EOGT: variants seen among roughly 807,000 people sequenced by gnomAD.
The protein encoded by EOGT is EGF domain specific O-linked N-acetylglucosamine transferase.
In EOGT, 55 loss-of-function variants were observed where a neutral mutation model predicts 70.5. The observed-to-expected ratio is 0.78, with a 90% CI of 0.63 to 0.98. The LOEUF (loss-of-function observed/expected upper bound fraction) is 0.98, where lower values mean the gene tolerates loss of function less well. Ranked by LOEUF, EOGT falls within the 50% of genes least tolerant of loss-of-function variation. The probability of loss-of-function intolerance (pLI) is 0.00; values close to 1 mark genes in which losing one functional copy is unlikely to be tolerated. For missense variants in EOGT, 703 were observed against 641.9 expected, an observed-to-expected ratio of 1.10 and a Z score of -1.03; for synonymous variants, 246 against 217.1, an observed-to-expected ratio of 1.13 and a Z score of -1.17.
intron 8 of EOGT, among the ~76,000 whole-genome samples, chr3:69,002,730 C>T (rs1332037502): frequency 6.6e-6 from 1 of 151,890 alleles, no homozygotes; most frequent in Non-Finnish European, 1.5e-5. Context: ...TCATAGCTCA[C>T]TGCAGCCTCG....
chr3:68,988,565 C>G lies in EOGT; in HGVS notation c.937G>C (p.Glu313Gln). The G allele has an allele frequency of 6.5e-7, 1 of 1,530,424 alleles. No individual in the cohort carries two copies. Among genetic ancestry groups the G allele is most frequent in the Non-Finnish European group, 8.7e-7 (1 of 1,143,646 alleles). The allele number at this position is 1,530,424 out of a possible 1,614,324, so 94.8% of individuals were successfully genotyped here. ...TYDSKRVCFK[E>Q]AVFSLLPRMR... ...CGGGGGAGTAATGAAAAAACAGCTTCTTTAAAACATACCTAAGAACAAAGA... is the reference window on the plus strand; with the variant it reads ...CGGGGGAGTAATGAAAAAACAGCTTGTTTAAAACATACCTAAGAACAAAGA... Residue 313 changes from glutamate (E) to glutamine (Q), a missense_variant, in exon 12 of 18, where the codon GAA (glutamate) becomes CAA (glutamine). Glu to Gln is a conservative substitution (Grantham distance 29). Transcript: ENST00000383701.
intron 6 of EOGT, among the ~76,000 whole-genome samples, chr3:69,007,507 C>CGGGGTGG (rs1553673402): frequency 4.0e-5 from 1 of 24,782 alleles, no homozygotes; most frequent in Admixed American, 5.0e-4. Context: ...TAAAAATTAG[C>CGGGGTGG]GGGGGGGGGT....
Position 68,998,011 on chromosome 3 carries a change from G to T in EOGT, c.831C>A (p.Thr277=). ...STDVYIVMWD[T]SSYGYGDLFS... ...AAGCGGAGAGCACATTCTTACTTAC[G>T]GTGTCCCACATCACGATGTACACGT... The change falls in exon 10 of 18, where the codon ACC becomes ACA. Residue 277 remains threonine, a splice_region_variant and synonymous_variant. Transcript: ENST00000383701. 1.3e-6 allele frequency: 2 copies of T among 1,504,682 alleles called. No individual in the cohort carries two copies. Among genetic ancestry groups the T allele is most frequent in the Non-Finnish European group, 1.8e-6 (2 of 1,100,844 alleles). The allele number at this position is 1,504,682 out of a possible 1,614,324, so 93.2% of individuals were successfully genotyped here.
intron 15 of EOGT, among the ~76,000 whole-genome samples, chr3:68,982,563 T>C (rs1005779826): frequency 1.3e-5 from 2 of 152,232 alleles, no homozygotes; most frequent in Middle Eastern, 3.4e-3. Flanking sequence ...AAATTTTAAA[T>C]GAAAATCTGA....
chr3:68,980,286 C>T (rs987824641), intron 15 of EOGT, among the ~76,000 whole-genome samples: 6 of 152,178 alleles, frequency 3.9e-5, no homozygotes, highest in Non-Finnish European at 8.8e-5. Context: ...TAAAAAGAAA[C>T]ATTTCTCCTT....
Position 69,009,638 on chromosome 3 carries a change from T to C in EOGT, c.209A>G (p.Lys70Arg). 8 of 1,610,156 alleles carry C rather than the reference T, an allele frequency of 5.0e-6. No individual in the cohort carries two copies. Among genetic ancestry groups the C allele is most frequent in the South Asian group, 2.2e-5 (2 of 90,942 alleles). Residue 70 changes from lysine (K) to arginine (R), a missense_variant and splice_region_variant, in exon 4 of 18, where the codon AAG becomes AGG. By Grantham distance (26) the Lys-to-Arg change is conservative (BLOSUM62 2). Coordinates refer to ENST00000383701, the MANE Select transcript of EOGT (RefSeq NM_001278689.2). ...AAGGAGAAAAGAAATAATACCTACC[T>C]TATATGGACAAAGAGAGTCTTTCCT... ...VCRKDSLCPY[K>R]KHLEKLKYCW...
At chr3:68,995,005 A>G (rs1240377982) in intron 10 of EOGT, among the ~76,000 whole-genome samples, 1 of 152,146 alleles carries the variant, frequency 6.6e-6, no homozygotes, top group Non-Finnish European at 1.5e-5. Flanking sequence ...TGAAGGGAGT[A>G]AACTGCAGAG....
intron 14 of EOGT, among the ~76,000 whole-genome samples, chr3:68,987,115 G>T (rs1210657302): frequency 6.6e-6 from 1 of 152,206 alleles, no homozygotes; most frequent in Non-Finnish European, 1.5e-5. Flanking sequence ...ACCATCTGTT[G>T]CATCAACTAT....
chr3:68,985,705 CT>C (rs1163138530), intron 14 of EOGT, among the ~76,000 whole-genome samples: 1 of 152,240 alleles, frequency 6.6e-6, no homozygotes, highest in Non-Finnish European at 1.5e-5. Flanking sequence ...ACAATAACAA[CT>C]TCTGATCAAT....
rs2091522566 is a variant in EOGT, at chr3:69,009,657, C to T, written c.190G>A (p.Asp64Asn). The change falls in exon 4 of 18, where the codon GAC becomes AAC. Residue 64 changes from aspartate to asparagine, a missense_variant. Physicochemically the swap from Asp to Asn is conservative, Grantham distance 23 (BLOSUM62 1). Transcript: ENST00000383701. Reference protein sequence around the residue: ...NRHIATVCRKDSLCPYKKHLE... With the variant: ...NRHIATVCRKNSLCPYKKHLE... ...CCTACCTTATATGGACAAAGAGAGT[C>T]TTTCCTACAGACAGTGGCAATATGC... is the stretch of plus-strand genomic sequence containing the variant. 1.2e-6 allele frequency: 2 copies of T among 1,613,624 alleles called. No individual in the cohort carries two copies. Among genetic ancestry groups the T allele is most frequent in the Non-Finnish European group, 1.7e-6 (2 of 1,179,668 alleles).
intron 9 of EOGT, among the ~76,000 whole-genome samples, chr3:69,000,291 G>A (rs1239978410): frequency 6.6e-6 from 1 of 152,042 alleles, no homozygotes; most frequent in African/African-American, 2.4e-5. Flanking sequence ...TATGAATATA[G>A]GAAAGAAATG....
chr3:68,987,427 T>G lies in EOGT; in HGVS notation c.1152+18A>C. 1 of 1,583,378 alleles carries G rather than the reference T, an allele frequency of 6.3e-7. No individual in the cohort carries two copies. The highest frequency in any genetic ancestry group is 8.7e-7 in the Non-Finnish European group (1 of 1,154,246). ...GAATTGAATATGAAGGCATTAAAAA[T>G]GCATACCAAAAACTAACCTCATTTT... On this transcript the variant is annotated intron_variant, in intron 14 of 17. Coordinates refer to ENST00000383701, the MANE Select transcript of EOGT (RefSeq NM_001278689.2).
At chr3:68,994,390 C>T (rs1393326833) in intron 10 of EOGT, among the ~76,000 whole-genome samples, 1 of 152,002 alleles carries the variant, frequency 6.6e-6, no homozygotes, top group Non-Finnish European at 1.5e-5. Flanking sequence ...ATGCAGTTAC[C>T]CTTGGGGGAA....
intron 6 of EOGT, 71 bp from the exon 7 acceptor site, chr3:69,005,305 A>AT: frequency 1.3e-6 from 1 of 797,468 alleles, no homozygotes; most frequent in Non-Finnish European, 2.1e-6. Context: ...GACTTGCTAG[A>AT]CACACTGACA....
intron 16 of EOGT, among the ~76,000 whole-genome samples, chr3:68,979,312 G>T (rs570324764): frequency 6.6e-6 from 1 of 152,316 alleles, no homozygotes; most frequent in Non-Finnish European, 1.5e-5. Flanking sequence ...GCTATGTCGT[G>T]CATGAGACAT....
At position 68,988,294 on chromosome 3, in the gene EOGT, C is replaced by T. The variant is rs1170565338; in HGVS notation, c.1083+1G>A. 6 of 1,533,490 alleles carry T rather than the reference C, an allele frequency of 3.9e-6. No homozygotes were observed. The South Asian group carries it at 7.1e-5, about 18-fold the overall frequency. The allele number at this position is 1,533,490 out of a possible 1,614,324, so 95.0% of individuals were successfully genotyped here. On this transcript the variant is annotated splice_donor_variant, in intron 13 of 17. Coordinates refer to ENST00000383701, the MANE Select transcript of EOGT (RefSeq NM_001278689.2). LOFTEE classifies it high-confidence loss of function. ...CTCAGAATCCGCAGTGTATCCATTA[C>T]CTTAGGTCCTTCTTGTGTGATGTTT...
chr3:68,978,083 G>A (rs899563649), intron 17 of EOGT, among the ~76,000 whole-genome samples: 3 of 152,136 alleles, frequency 2.0e-5, no homozygotes, highest in Non-Finnish European at 4.4e-5. Flanking sequence ...TGTTGATCCC[G>A]TCTCTATATA....
chr3:68,987,448 A>G lies in EOGT; in HGVS notation c.1149T>C (p.Asn383=). The G allele has an allele frequency of 6.2e-7, 1 of 1,611,768 alleles. No homozygotes were observed. The highest frequency in any genetic ancestry group is 8.5e-7 in the Non-Finnish European group (1 of 1,178,340). ...AAAATGCATACCAAAAACTAACCTC[A>G]TTTTGGTTAAGGATTTTCCGGTATT... ...STEYRKILNQ[N]ELVNALKTVS... is the part of the protein sequence containing the mutation. The change falls in exon 14 of 18, where the codon AAT becomes AAC. Residue 383 remains asparagine (N), a synonymous_variant. Coordinates refer to ENST00000383701, the MANE Select transcript of EOGT (RefSeq NM_001278689.2).
intron 6 of EOGT, among the ~76,000 whole-genome samples, chr3:69,006,836 C>T (rs1243733683): frequency 1.3e-5 from 2 of 152,178 alleles, no homozygotes; most frequent in African/African-American, 4.8e-5. Context: ...GCATTTTAAT[C>T]CTAGATGTGT....
Sources: allele counts gnomAD v4.1 joint callset (sites outside exome capture counted in the v4.1 genomes callset), GRCh38; gene constraint gnomAD v4.1.1; transcripts MANE v1.5; gene names NCBI Gene and HGNC (gene_info 2026-07-23, HGNC 2026-07-21).